The following LAMB1 variants were observed in gnomAD, a reference collection of about 807,000 sequenced individuals.
LAMB1 encodes the protein laminin subunit beta-1.
LAMB1 carries 121 observed loss-of-function variants against 222.3 expected under a neutral mutation model. The observed-to-expected ratio is 0.54, with a 90% CI of 0.47 to 0.63. The LOEUF (loss-of-function observed/expected upper bound fraction) is 0.63, where lower values mean the gene tolerates loss of function less well. Among genes scored for constraint, LAMB1 ranks in the 30% least tolerant of loss-of-function variants. The probability of loss-of-function intolerance (pLI) is 0.00; values close to 1 mark genes in which losing one functional copy is unlikely to be tolerated. For synonymous variants in LAMB1, 794 were observed against 807.2 expected (o/e 0.98, Z 0.28); for missense variants, 2,172 against 2,240.8 (o/e 0.97, Z 0.62).
intron 9 of LAMB1, 75 bp downstream of exon 9, chr7:107,977,972 G>C: frequency 6.4e-7 from 1 of 1,552,186 alleles, no homozygotes; most frequent in Non-Finnish European, 8.9e-7. Context: ...ACAGTACACT[G>C]TTACAGTACC....
chr7:107,924,169 T>A (rs912396977), intron 33 of LAMB1, 61 bp downstream of exon 33: 2 of 1,546,270 alleles, frequency 1.3e-6, no homozygotes, highest in Admixed American at 2.3e-5. Context: ...TTTTTCACTT[T>A]TAAATAAACT....
At chr7:107,980,494 A>C in intron 8 of LAMB1, 115 bp downstream of exon 8, 1 of 802,944 alleles carries the variant, frequency 1.2e-6, no homozygotes, top group East Asian at 2.5e-5. Context: ...GCTAAATGTA[A>C]CTCTGTAAAA....
chr7:107,943,700 C>A (rs1291404227), intron 24 of LAMB1, among the ~76,000 whole-genome samples: 4 of 152,138 alleles, frequency 2.6e-5, no homozygotes, highest in Non-Finnish European at 4.4e-5. Context: ...CTATCACGTT[C>A]CCAGGAGATA....
chr7:108,001,504 G>A, intron 3 of LAMB1, 54 bp downstream of exon 3: 1 of 1,512,810 alleles, frequency 6.6e-7, no homozygotes, highest in Non-Finnish European at 8.9e-7. Flanking sequence ...TGCCCCTTAG[G>A]TCTGGACGGG....
At chr7:107,987,084 T>A (rs1204643976) in intron 5 of LAMB1, among the ~76,000 whole-genome samples, 1 of 152,116 alleles carries the variant, frequency 6.6e-6, no homozygotes, top group Non-Finnish European at 1.5e-5. Flanking sequence ...ATAAACAAAA[T>A]ATGATATATA....
chr7:107,959,510 T>C, intron 19 of LAMB1, 30 bp from the exon 20 acceptor site: 2 of 1,611,840 alleles, frequency 1.2e-6, no homozygotes, highest in Non-Finnish European at 1.7e-6. Context: ...AGGAACTGCC[T>C]TGAGAAACTC....
intron 5 of LAMB1, among the ~76,000 whole-genome samples, chr7:107,990,468 C>G (rs1219063821): frequency 6.6e-6 from 1 of 152,198 alleles, no homozygotes; most frequent in African/African-American, 2.4e-5. Flanking sequence ...GGAAAAAAAT[C>G]AACAACCTCA....
Position 108,001,651 on chromosome 7 carries a change from G to T in LAMB1, c.120C>A (p.Gly40=). The T allele has an allele frequency of 6.2e-7, 1 of 1,613,062 alleles. No homozygotes were observed. The highest frequency in any genetic ancestry group is 1.3e-5 in the African/African-American group (1 of 75,058). The change falls in exon 3 of 34, where the codon GGC becomes GGA. Residue 40 remains glycine, a synonymous_variant. Coordinates refer to ENST00000222399, the MANE Select transcript of LAMB1 (RefSeq NM_002291.3). The part of the protein sequence containing the change: ...CAEGSCYPAT[G]DLLIGRAQKL... ...TCTGTGCTCGGCCGATGAGAAGGTC[G>T]CCCGTGGCGGGATAGCAGCTGCCTT...
chr7:107,985,734 G>C (rs1007894025), intron 7 of LAMB1, among the ~76,000 whole-genome samples: 2 of 152,012 alleles, frequency 1.3e-5, no homozygotes, highest in African/African-American at 2.4e-5. Flanking sequence ...GAGGTGAGCA[G>C]ATCACCCGAG....
intron 20 of LAMB1, among the ~76,000 whole-genome samples, chr7:107,955,938 C>T (rs1392618717): frequency 6.6e-6 from 1 of 152,172 alleles, no homozygotes; most frequent in Non-Finnish European, 1.5e-5. Context: ...CGCTCTGTTG[C>T]GCAGGCTGGA....
rs746353029 is a variant in LAMB1 at position 107,975,852 on chromosome 7, G to T, written c.1026C>A (p.Ile342=). The change falls in exon 10 of 34, where the codon ATC becomes ATA. Residue 342 remains isoleucine, a synonymous_variant. Coordinates refer to ENST00000222399, the MANE Select transcript of LAMB1 (RefSeq NM_002291.3). The part of the protein sequence containing the change: ...CKKCNCNEHS[I]SCHFDMAVYL... ...AAACAGCCATGTCAAAGTGACAAGA[G>T]ATGGAATGTTCATTGCAGTTACATT... 4 of 1,613,924 alleles carry T rather than the reference G, an allele frequency of 2.5e-6. No homozygotes were observed. Among genetic ancestry groups the T allele is most frequent in the Admixed American group, 3.3e-5 (2 of 59,956 alleles).
At chr7:107,983,682 T>G (rs566946915) in intron 7 of LAMB1, among the ~76,000 whole-genome samples, 1 of 151,050 alleles carries the variant, frequency 6.6e-6, no homozygotes, top group East Asian at 2.0e-4. Flanking sequence ...CATACCTGGC[T>G]AACTTTTCTA....
At chr7:107,968,871 G>A (rs983143463) in intron 13 of LAMB1, among the ~76,000 whole-genome samples, 2 of 152,016 alleles carry the variant, frequency 1.3e-5, no homozygotes, top group Non-Finnish European at 2.9e-5. Context: ...ACATAGAACT[G>A]GAAAATAATA....
In LAMB1 at chr7:107,926,245, C is replaced by T. The variant is rs752711515; in HGVS notation, c.5002G>A (p.Glu1668Lys). Residue 1668 changes from glutamate to lysine, a missense_variant, in exon 32 of 34, where the codon GAG (glutamate) becomes AAG (lysine). Glu to Lys is a moderately conservative substitution (Grantham distance 56). Coordinates refer to ENST00000222399, the MANE Select transcript of LAMB1 (RefSeq NM_002291.3). ...LKRKAAQNSGEAEYIEKVVYT... is the reference protein window; with the variant it reads ...LKRKAAQNSGKAEYIEKVVYT... ...ACTACTTTTTCAATATATTCTGCCT[C>T]CCCGGAGTTTTGGGCAGCTTTCCGC... The T allele has an allele frequency of 3.7e-6, 6 of 1,613,940 alleles. No individual in the cohort carries two copies. Among genetic ancestry groups the T allele is most frequent in the Non-Finnish European group, 5.1e-6 (6 of 1,179,834 alleles).
In LAMB1 at chr7:107,960,616, T is replaced by A. The variant is rs373287985; in HGVS notation, c.2143A>T (p.Ile715Phe). Residue 715 changes from isoleucine (I) to phenylalanine (F), a missense_variant, in exon 18 of 34, where the codon ATC becomes TTC. Coordinates refer to ENST00000222399, the MANE Select transcript of LAMB1 (RefSeq NM_002291.3). Reference sequence around the variant, plus strand: ...TCTCCTGAACCTCCCACGGTGAAGATGTCCAGTGATTTACAGTATGGCATG... The same window carrying A: ...TCTCCTGAACCTCCCACGGTGAAGAAGTCCAGTGATTTACAGTATGGCATG... ...VLMPYCKSLD[I>F]FTVGGSGDGV... 1 of 1,614,262 alleles carries A rather than the reference T, an allele frequency of 6.2e-7. No individual in the cohort carries two copies. The highest frequency in any genetic ancestry group is 8.5e-7 in the Non-Finnish European group (1 of 1,180,044).
chr7:107,932,726 G>T (rs1282141177), intron 27 of LAMB1: 3 of 276,532 alleles, frequency 1.1e-5, no homozygotes, highest in Non-Finnish European at 2.1e-5. Context: ...TAACCAGTTA[G>T]AGTTTAAAAA....
chr7:107,983,535 G>A (rs1323177102), intron 7 of LAMB1, among the ~76,000 whole-genome samples: 1 of 148,130 alleles, frequency 6.8e-6, no homozygotes, highest in African/African-American at 2.5e-5. Context: ...AGGACTTTGT[G>A]ACTCCAAAGC....
intron 5 of LAMB1, among the ~76,000 whole-genome samples, chr7:107,990,099 T>A (rs1162285449): frequency 6.6e-6 from 1 of 152,056 alleles, no homozygotes; most frequent in African/African-American, 2.4e-5. Flanking sequence ...AGTGCACTAG[T>A]ACAATCATAG....
intron 29 of LAMB1, 100 bp from the exon 30 acceptor site, chr7:107,929,719 GT>G: frequency 1.1e-6 from 1 of 905,596 alleles, no homozygotes; most frequent in Non-Finnish European, 1.7e-6. Flanking sequence ...GCATGGTGGG[GT>G]TACACACCAA....
Sources: allele counts gnomAD v4.1 joint callset (sites outside exome capture counted in the v4.1 genomes callset), GRCh38; gene constraint gnomAD v4.1.1; transcripts MANE v1.5; gene names NCBI Gene and HGNC (gene_info 2026-07-23, HGNC 2026-07-21).